The following DOCK1 variants were observed in gnomAD, a reference collection of about 807,000 sequenced individuals.
DOCK1 encodes the protein dedicator of cytokinesis protein 1.
A neutral mutation model predicts 262.7 loss-of-function variants in DOCK1; 138 were observed. That is an observed-to-expected ratio of 0.53 (90% confidence interval 0.46 to 0.61). DOCK1 has a LOEUF of 0.61. Ranked by LOEUF, DOCK1 falls within the 20% of genes least tolerant of loss-of-function variation. The pLI is 0.00. For missense variants in DOCK1, 1,908 were observed against 2,370.7 expected (o/e 0.80, Z 4.05); for synonymous variants, 866 against 867.4 (o/e 1.00, Z 0.03).
At chr10:127,173,736 C>T (rs762573953) in intron 27 of DOCK1, among the ~76,000 whole-genome samples, 92 of 152,248 alleles carry the variant, frequency 6.0e-4, no homozygotes, top group Non-Finnish European at 1.2e-3. Context: ...AATCACTGGT[C>T]TCCCCCACCC....
intron 1 of DOCK1, among the ~76,000 whole-genome samples, chr10:126,912,708 A>G (rs2031980585): frequency 6.9e-6 from 1 of 144,740 alleles, no homozygotes; most frequent in Non-Finnish European, 1.5e-5. Context: ...CCTGGGTGAC[A>G]GAGTGAGACT....
At chr10:126,928,220 T>C (rs1283023815) in intron 1 of DOCK1, among the ~76,000 whole-genome samples, 3 of 152,162 alleles carry the variant, frequency 2.0e-5, no homozygotes, top group South Asian at 4.2e-4. Flanking sequence ...AATAAGGGCC[T>C]GGAGGAACAG....
At chr10:126,969,803 A>G (rs2037959697) in intron 1 of DOCK1, among the ~76,000 whole-genome samples, 1 of 152,232 alleles carries the variant, frequency 6.6e-6, no homozygotes, top group South Asian at 2.1e-4. Flanking sequence ...GAGTTTGCAC[A>G]TGACATGGTT....
chr10:126,935,734 A>G (rs2034518833), intron 1 of DOCK1, among the ~76,000 whole-genome samples: 1 of 152,214 alleles, frequency 6.6e-6, no homozygotes, highest in African/African-American at 2.4e-5. Context: ...CCTGTGAATC[A>G]GAGGGCAGTG....
chr10:127,102,453 C>T (rs2048307682), intron 23 of DOCK1, among the ~76,000 whole-genome samples: 1 of 152,192 alleles, frequency 6.6e-6, no homozygotes, highest in African/African-American at 2.4e-5. Flanking sequence ...AGTTGAGACA[C>T]CAGCCTGCCA....
chr10:127,163,853 A>G (rs2053815871), intron 27 of DOCK1, among the ~76,000 whole-genome samples: 1 of 150,538 alleles, frequency 6.6e-6, no homozygotes, highest in African/African-American at 2.5e-5. Flanking sequence ...TGTTCCAGGA[A>G]GAAACACCCT....
Position 127,305,586 on chromosome 10 carries a change from C to G in DOCK1, c.3045-33420C>G, listed in dbSNP as rs576411623. On this transcript the variant is annotated intron_variant, in intron 29 of 51. Transcript: ENST00000623213. ...GGGAACAGTAAAGAAATGAGATGTG[C>G]CCTCAGGGAGCTCAGACAAGGAGCT... Among the ~76,000 whole-genome samples the G allele has an allele frequency of 4.9e-4, 75 of 152,220 alleles. 1 individual carries two copies. Among genetic ancestry groups the G allele is most frequent in the African/African-American group, 1.7e-3 (70 of 41,542 alleles).
intron 29 of DOCK1, among the ~76,000 whole-genome samples, chr10:127,328,217 C>T (rs930101680): frequency 2.6e-4 from 39 of 151,862 alleles, no homozygotes; most frequent in African/African-American, 9.2e-4. Flanking sequence ...TTGCAGTGTC[C>T]ATAGCAGGTC....
At chr10:127,156,306 A>T (rs1018653577) in intron 27 of DOCK1, among the ~76,000 whole-genome samples, 2 of 152,088 alleles carry the variant, frequency 1.3e-5, no homozygotes, top group African/African-American at 4.8e-5. Context: ...CATTATTCTT[A>T]GGCCCCAGGC....
intron 11 of DOCK1, among the ~76,000 whole-genome samples, chr10:127,009,998 A>G (rs2041309772): frequency 6.6e-6 from 1 of 152,180 alleles, no homozygotes; most frequent in Admixed American, 6.6e-5. Flanking sequence ...AGATTTTGCT[A>G]TCTTCTTGAC....
intron 48 of DOCK1, 114 bp from the exon 49 acceptor site, chr10:127,438,913 T>A: frequency 8.5e-7 from 1 of 1,173,152 alleles, no homozygotes; most frequent in Non-Finnish European, 1.2e-6. Context: ...GCCTCCCTTT[T>A]AAATCACTGC....
chr10:127,102,930 C>A (rs1476554924), intron 23 of DOCK1, among the ~76,000 whole-genome samples: 1 of 152,170 alleles, frequency 6.6e-6, no homozygotes, highest in Non-Finnish European at 1.5e-5. Flanking sequence ...TGCATTCATC[C>A]CACGGGAGGG....
chr10:127,384,567 T>C (rs1267537590), intron 37 of DOCK1, among the ~76,000 whole-genome samples: 2 of 152,216 alleles, frequency 1.3e-5, no homozygotes, highest in African/African-American at 4.8e-5. Context: ...GCTGGGTTTT[T>C]CTTTTGTCTG....
At chr10:127,413,918 T>TG (rs1470698765) in intron 43 of DOCK1, among the ~76,000 whole-genome samples, 1 of 110,596 alleles carries the variant, frequency 9.0e-6, no homozygotes, top group Non-Finnish European at 1.9e-5. Context: ...TTTCTGAAAA[T>TG]TTTTTTTTTT....
intron 1 of DOCK1, among the ~76,000 whole-genome samples, chr10:126,947,153 T>C (rs1277278650): frequency 6.6e-6 from 1 of 152,230 alleles, no homozygotes; most frequent in Middle Eastern, 3.2e-3. Flanking sequence ...TGATATGGGA[T>C]GATGTGGTAT....
intron 9 of DOCK1, 116 bp downstream of exon 9, chr10:126,999,551 C>T: frequency 1.3e-6 from 1 of 783,452 alleles, no homozygotes; most frequent in Non-Finnish European, 2.1e-6. Flanking sequence ...TGCCTGTATA[C>T]AGGTTAATTT....
At chr10:127,139,420 T>G (rs2051011287) in intron 27 of DOCK1, among the ~76,000 whole-genome samples, 1 of 152,180 alleles carries the variant, frequency 6.6e-6, no homozygotes, top group Non-Finnish European at 1.5e-5. Context: ...CAGAGAAGTT[T>G]ATGGCTAGTG....
At chr10:127,442,950 G>A (rs143880226) in intron 49 of DOCK1, among the ~76,000 whole-genome samples, 2 of 152,338 alleles carry the variant, frequency 1.3e-5, no homozygotes, top group East Asian at 1.9e-4. Context: ...CCAGCCCCTC[G>A]TGTGGGGGAG....
At chr10:127,347,851 T>TAAG (rs2063710546) in intron 31 of DOCK1, among the ~76,000 whole-genome samples, 4 of 43,034 alleles carry the variant, frequency 9.3e-5, no homozygotes, top group African/African-American at 3.6e-4. Flanking sequence ...TCCCTTCCCT[T>TAAG]CCCTTCCCTT....
Sources: gnomAD v4.1 joint callset for allele counts (sites outside exome capture counted in the v4.1 genomes callset) on GRCh38, gnomAD v4.1.1 for gene constraint, MANE v1.5 for transcripts, NCBI Gene and HGNC (gene_info 2026-07-23, HGNC 2026-07-21) for gene names.